RRP15: variants seen among roughly 807,000 people sequenced by gnomAD.
RRP15 encodes RRP15-like protein.
In RRP15, 18 loss-of-function variants were observed where a neutral mutation model predicts 27.1. The observed-to-expected ratio is 0.66, with a 90% CI of 0.46 to 0.98. RRP15 has a LOEUF of 0.98. Ranked by LOEUF, RRP15 falls within the 50% of genes least tolerant of loss-of-function variation. The pLI is 0.00. For synonymous variants in RRP15, 107 were observed against 109.4 expected, an observed-to-expected ratio of 0.98 and a Z score of 0.14; for missense variants, 359 against 337.8, an observed-to-expected ratio of 1.06 and a Z score of -0.49.
chr1:218,320,573 A>G (rs1251092425), intron 4 of RRP15, among the ~76,000 whole-genome samples: 1 of 152,178 alleles, frequency 6.6e-6, no homozygotes, highest in Non-Finnish European at 1.5e-5. Context: ...TGTATGGATA[A>G]CAAGATGTAT....
chr1:218,304,988 A>C (rs190485556), intron 2 of RRP15, 40 bp from the exon 3 acceptor site: 28 of 1,550,432 alleles, frequency 1.8e-5, no homozygotes, highest in Non-Finnish European at 2.4e-5. Context: ...ACTTTCAGAA[A>C]TATCTAATAT....
chr1:218,305,242 C>A, intron 3 of RRP15, 117 bp downstream of exon 3: 1 of 680,604 alleles, frequency 1.5e-6, no homozygotes, highest in Non-Finnish European at 2.5e-6. Flanking sequence ...TGATATATAT[C>A]TAAGCCTGCC....
intron 1 of RRP15, chr1:218,301,798 A>C (rs1655815038): frequency 6.6e-6 from 1 of 152,278 alleles, no homozygotes; most frequent in African/African-American, 2.4e-5. Flanking sequence ...TTTTTTCTGC[A>C]TACAAATTCA....
In RRP15 at chr1:218,302,491, G is replaced by T. The variant is rs528817693; in HGVS notation, c.337G>T (p.Val113Phe). Reference protein sequence around the residue: ...KTPESKPTILVKNKKLEKEKE... With the variant: ...KTPESKPTILFKNKKLEKEKE... ...TCCTGAAAGTAAACCTACTATTCTG[G>T]TCAAAAATAAGAAGCTGGAAAAGGA... is the stretch of plus-strand genomic sequence containing the variant. Residue 113 changes from valine (V) to phenylalanine (F), a missense_variant, in exon 2 of 5, where the codon GTC (valine) becomes TTC (phenylalanine). By Grantham distance (50) the Val-to-Phe change is conservative. Transcript: ENST00000366932. The T allele has an allele frequency of 1.9e-5, 30 of 1,613,904 alleles. No individual in the cohort carries two copies. In the East Asian group the frequency reaches 6.5e-4, roughly 35 times the overall value.
chr1:218,310,744 TTTTC>T (rs903740145), intron 4 of RRP15, among the ~76,000 whole-genome samples: 9 of 152,094 alleles, frequency 5.9e-5, no homozygotes, highest in Admixed American at 4.6e-4. Context: ...TCATTTTTCT[TTTTC>T]TTTCTTTCTT....
intron 4 of RRP15, among the ~76,000 whole-genome samples, chr1:218,319,064 T>C (rs1200822087): frequency 1.3e-5 from 2 of 151,812 alleles, no homozygotes; most frequent in Non-Finnish European, 2.9e-5. Flanking sequence ...TTTTCTTTTG[T>C]CTTTTTTTTT....
At chr1:218,291,130 C>T (rs558752575) in intron 1 of RRP15, among the ~76,000 whole-genome samples, 5 of 151,904 alleles carry the variant, frequency 3.3e-5, no homozygotes, top group Non-Finnish European at 7.4e-5. Flanking sequence ...CACAGCATGA[C>T]CCTGTCCCAA....
At chr1:218,328,384 T>C (rs1246923605) in intron 4 of RRP15, among the ~76,000 whole-genome samples, 3 of 152,142 alleles carry the variant, frequency 2.0e-5, no homozygotes, top group Non-Finnish European at 2.9e-5. Context: ...TTTTGTGGGC[T>C]GGGCACGGTG....
chr1:218,313,033 C>G (rs902022013), intron 4 of RRP15, among the ~76,000 whole-genome samples: 1 of 152,148 alleles, frequency 6.6e-6, no homozygotes, highest in African/African-American at 2.4e-5. Flanking sequence ...GGTAAGTGAT[C>G]TGGTCAGATT....
chr1:218,330,875 T>G, intron 4 of RRP15, 73 bp from the exon 5 acceptor site: 1 of 1,387,850 alleles, frequency 7.2e-7, no homozygotes, highest in Non-Finnish European at 1.0e-6. Flanking sequence ...AAGTTTGTTT[T>G]GTAGCTTGTA....
chr1:218,315,606 ATT>A (rs199759241), intron 4 of RRP15, among the ~76,000 whole-genome samples: 12 of 143,510 alleles, frequency 8.4e-5, no homozygotes, highest in African/African-American at 3.1e-4. Context: ...TTTTTTTATT[ATT>A]TTATTTTTTT....
chr1:218,292,013 T>G (rs1050659513), intron 1 of RRP15, among the ~76,000 whole-genome samples: 1 of 152,140 alleles, frequency 6.6e-6, no homozygotes, highest in Non-Finnish European at 1.5e-5. Context: ...AATTTTTCAT[T>G]TTTTGTAAAG....
At chr1:218,315,778 T>G (rs918035266) in intron 4 of RRP15, among the ~76,000 whole-genome samples, 3 of 151,820 alleles carry the variant, frequency 2.0e-5, no homozygotes, top group African/African-American at 7.3e-5. Flanking sequence ...TTAAATCAAG[T>G]TGGGGTGTGG....
chr1:218,313,125 G>A (rs1164870220), intron 4 of RRP15, among the ~76,000 whole-genome samples: 1 of 152,176 alleles, frequency 6.6e-6, no homozygotes, highest in African/African-American at 2.4e-5. Context: ...TGTTACAAGA[G>A]TAATATTGTG....
At chr1:218,329,913 T>C (rs1020725232) in intron 4 of RRP15, among the ~76,000 whole-genome samples, 1 of 152,090 alleles carries the variant, frequency 6.6e-6, no homozygotes, top group Non-Finnish European at 1.5e-5. Context: ...TAATCTCTTG[T>C]AACCCAGCAA....
At chr1:218,315,162 T>A (rs1408578121) in intron 4 of RRP15, among the ~76,000 whole-genome samples, 3 of 152,134 alleles carry the variant, frequency 2.0e-5, no homozygotes, top group African/African-American at 7.2e-5. Flanking sequence ...GGTAGGGTAC[T>A]CCTCTATTTC....
At chr1:218,290,954 C>T (rs1313840167) in intron 1 of RRP15, among the ~76,000 whole-genome samples, 1 of 151,926 alleles carries the variant, frequency 6.6e-6, no homozygotes, top group African/African-American at 2.4e-5. Context: ...CATAGTGAGA[C>T]CCCGTCACTA....
In RRP15 at chr1:218,330,943, C is replaced by G; in HGVS notation, c.706-5C>G. 6.2e-7 allele frequency: 1 copy of G among 1,606,682 alleles called. No individual in the cohort carries two copies. The highest frequency in any genetic ancestry group is 8.5e-7 in the Non-Finnish European group (1 of 1,175,584). On this transcript the variant is annotated splice_region_variant and splice_polypyrimidine_tract_variant and intron_variant, in intron 4 of 4. Coordinates refer to ENST00000366932, the MANE Select transcript of RRP15 (RefSeq NM_016052.4). ...TGAATATTTTGATTCTATAATTTTC[C>G]TTAGACTGAAGTGAAATCAGAAGAA...
At chr1:218,309,541 G>T (rs1319122793) in intron 4 of RRP15, among the ~76,000 whole-genome samples, 1 of 151,816 alleles carries the variant, frequency 6.6e-6, no homozygotes, top group Admixed American at 6.6e-5. Context: ...AAATTAACTG[G>T]GCATGGTGGC....
Sources: gnomAD v4.1 joint callset for allele counts (sites outside exome capture counted in the v4.1 genomes callset) on GRCh38, gnomAD v4.1.1 for gene constraint, MANE v1.5 for transcripts, NCBI Gene and HGNC (gene_info 2026-07-23, HGNC 2026-07-21) for gene names.